Variants in CNGB1 observed in about 807,000 individuals in gnomAD.
CNGB1 encodes cyclic nucleotide-gated channel beta-1.
CNGB1 carries 126 observed loss-of-function variants against 151.7 expected under a neutral mutation model. The ratio of observed to expected loss-of-function variants is 0.83; its 90% CI spans 0.72 to 0.96. The LOEUF is 0.96. Ranked by LOEUF, CNGB1 falls within the 40% of genes least tolerant of loss-of-function variation. The pLI is 0.00. For missense variants in CNGB1, 1,698 were observed against 1,627.0 expected (o/e 1.04, Z -0.75); for synonymous variants, 623 against 635.1 (o/e 0.98, Z 0.29).
In CNGB1 at chr16:57,901,621, C is replaced by T. The variant is rs1389848573; in HGVS notation, c.2799G>A (p.Glu933=). Residue 933 remains glutamate, a synonymous_variant, in exon 28 of 33, where the codon GAG becomes GAA. Coordinates refer to ENST00000251102, the MANE Select transcript of CNGB1 (RefSeq NM_001297.5). ...CTGGAAGCTGCACCATCAGCTCTGACTCATCTGTGAACAAGGCCTGGCAAG... is the reference window on the plus strand; with the variant it reads ...CTGGAAGCTGCACCATCAGCTCTGATTCATCTGTGAACAAGGCCTGGCAAG... ...YTWHSQGMLD[E]SELMVQLPDK... is the part of the protein sequence containing the mutation. 2 of 1,613,802 alleles carry T rather than the reference C, an allele frequency of 1.2e-6. No individual in the cohort carries two copies. Among genetic ancestry groups the T allele is most frequent in the Non-Finnish European group, 1.7e-6 (2 of 1,179,960 alleles).
intron 14 of CNGB1, among the ~76,000 whole-genome samples, chr16:57,941,994 G>A (rs1464383663): frequency 6.6e-6 from 1 of 152,144 alleles, no homozygotes; most frequent in African/African-American, 2.4e-5. Flanking sequence ...TGGGACTACA[G>A]GCATGCTCCA....
chr16:57,885,221 G>A (rs2149350600), intron 32 of CNGB1, among the ~76,000 whole-genome samples: 1 of 152,344 alleles, frequency 6.6e-6, no homozygotes, highest in East Asian at 1.9e-4. Flanking sequence ...GGCCAGGATG[G>A]TCCTCAGCTG....
intron 12 of CNGB1, among the ~76,000 whole-genome samples, chr16:57,952,021 G>C (rs895003181): frequency 6.6e-5 from 10 of 152,210 alleles, no homozygotes; most frequent in African/African-American, 2.2e-4. Context: ...CCTGAATCCG[G>C]TGGTGGGACG....
In CNGB1 at chr16:57,958,488, G is replaced by A; in HGVS notation, c.762-3C>T. ...TGTGCAGGACCCATGCCACCAGCCTGCAGGTGGGAGAGAGTGTGCGGTGTC... is the reference window on the plus strand; with the variant it reads ...TGTGCAGGACCCATGCCACCAGCCTACAGGTGGGAGAGAGTGTGCGGTGTC... On this transcript the variant is annotated splice_region_variant and splice_polypyrimidine_tract_variant and intron_variant, in intron 10 of 32. Coordinates refer to ENST00000251102, the MANE Select transcript of CNGB1 (RefSeq NM_001297.5). 8.1e-6 allele frequency: 13 copies of A among 1,613,772 alleles called. No individual in the cohort carries two copies. The highest frequency in any genetic ancestry group is 1.0e-5 in the Non-Finnish European group (12 of 1,179,750).
At chr16:57,890,800 T>G (rs1404979578) in intron 31 of CNGB1, among the ~76,000 whole-genome samples, 6 of 152,166 alleles carry the variant, frequency 3.9e-5, no homozygotes, top group Non-Finnish European at 7.4e-5. Flanking sequence ...AGACAGTGTA[T>G]CTCCCCTGAT....
intron 27 of CNGB1, 97 bp from the exon 28 acceptor site, chr16:57,901,722 A>G (rs531592432): frequency 7.5e-6 from 7 of 935,248 alleles, no homozygotes; most frequent in South Asian, 2.7e-5. Context: ...ACCAGGGCAC[A>G]CCATTGCCCT....
Position 57,897,915 on chromosome 16 carries a change from C to T in CNGB1, c.2977-1G>A, listed in dbSNP as rs865818297. The stretch of plus-strand genomic sequence containing the variant: ...TGTACATCTCACGGCCGATCTCCCC[C>T]TGAAACAAAGAAGTGACAAGTCCCT... On this transcript the variant is annotated splice_acceptor_variant, in intron 29 of 32. Coordinates refer to ENST00000251102, the MANE Select transcript of CNGB1 (RefSeq NM_001297.5). LOFTEE classifies it high-confidence loss of function. 2.5e-6 allele frequency: 4 copies of T among 1,614,192 alleles called. No individual in the cohort carries two copies. In the East Asian group the frequency reaches 8.9e-5, roughly 36 times the overall value.
chr16:57,943,305 AATC>A (rs1961717824), intron 14 of CNGB1, among the ~76,000 whole-genome samples: 1 of 152,222 alleles, frequency 6.6e-6, no homozygotes, highest in Non-Finnish European at 1.5e-5. Context: ...TAACATCACT[AATC>A]ATCAGAGAAA....
intron 16 of CNGB1, among the ~76,000 whole-genome samples, chr16:57,933,972 C>T (rs1318573494): frequency 1.3e-5 from 2 of 152,074 alleles, no homozygotes; most frequent in African/African-American, 4.8e-5. Flanking sequence ...ATCTGCCGGC[C>T]TTGGCCTCCC....
chr16:57,948,036 G>A (rs1961851427), intron 14 of CNGB1, among the ~76,000 whole-genome samples: 1 of 152,232 alleles, frequency 6.6e-6, no homozygotes, highest in Non-Finnish European at 1.5e-5. Context: ...AGAGGGACAG[G>A]TCAGGGAGAA....
chr16:57,960,795 C>A, intron 8 of CNGB1, 45 bp downstream of exon 8: 1 of 1,583,958 alleles, frequency 6.3e-7, no homozygotes, highest in Non-Finnish European at 8.6e-7. Flanking sequence ...GCCCCAGAAG[C>A]CCCCCCATAT....
At chr16:57,939,776 A>G (rs1019794136) in intron 15 of CNGB1, among the ~76,000 whole-genome samples, 184 bp from the exon 16 acceptor site, 4 of 152,192 alleles carry the variant, frequency 2.6e-5, no homozygotes, top group Admixed American at 2.6e-4. Context: ...CAACCTGTAG[A>G]GGGCAGTGCA....
intron 17 of CNGB1, among the ~76,000 whole-genome samples, chr16:57,924,068 A>G (rs1961120681): frequency 6.6e-6 from 1 of 152,088 alleles, no homozygotes; most frequent in South Asian, 2.1e-4. Context: ...ATCCACCTGA[A>G]TTTCAGAGAC....
intron 31 of CNGB1, among the ~76,000 whole-genome samples, chr16:57,894,198 A>C (rs1960164854): frequency 6.6e-6 from 1 of 152,220 alleles, no homozygotes; most frequent in Non-Finnish European, 1.5e-5. Flanking sequence ...GAGGAAGCTG[A>C]CTCTGCACTG....
Position 57,964,543 on chromosome 16 carries a change from G to A in CNGB1, c.161C>T (p.Pro54Leu), listed in dbSNP as rs1350927024. 6.2e-7 allele frequency: 1 copy of A among 1,614,116 alleles called. No homozygotes were observed. The highest frequency in any genetic ancestry group is 8.5e-7 in the Non-Finnish European group (1 of 1,180,008). The change falls in exon 3 of 33, where the codon CCC (proline) becomes CTC (leucine). Residue 54 changes from proline (P) to leucine (L), a missense_variant and splice_region_variant. Coordinates refer to ENST00000251102, the MANE Select transcript of CNGB1 (RefSeq NM_001297.5). ...CTCCTCCTTGAATGACTCTTCGGGG[G>A]GCTAGAGGGTTCGAACAGGATCATG... ...EEAETESESM[P>L]PEESFKEEEV...
chr16:57,896,428 G>A (rs1192638583), intron 31 of CNGB1, among the ~76,000 whole-genome samples: 1 of 152,094 alleles, frequency 6.6e-6, no homozygotes, highest in Non-Finnish European at 1.5e-5. Context: ...TAACTGGCCT[G>A]TATGGGCTGG....
intron 32 of CNGB1, 112 bp downstream of exon 32, chr16:57,887,743 A>G: frequency 2.0e-6 from 2 of 1,020,068 alleles, no homozygotes; most frequent in Admixed American, 1.7e-5. Context: ...TGATAGAAAA[A>G]GGAGGGGGAA....
intron 14 of CNGB1, among the ~76,000 whole-genome samples, chr16:57,941,661 C>T (rs6499926): frequency 0.035 from 5,326 of 152,200 alleles, 314 homozygotes; most frequent in African/African-American, 0.12. Flanking sequence ...ATTCCATGAT[C>T]AAATCTTTCA....
chr16:57,965,273 G>A lies in CNGB1; in HGVS notation c.160-729C>T, dbSNP rs920496723. On this transcript the variant is annotated intron_variant, in intron 2 of 32. Transcript: ENST00000251102. ...CAAAAATAAGTGCATGTGCACACAC[G>A]TACAGGCAAAAACATATGTACATAT... 9.9e-5 allele frequency among the ~76,000 whole-genome samples: 15 copies of A among 151,838 alleles called. No homozygotes were observed. In the East Asian group the frequency reaches 1.4e-3, roughly 14 times the overall value.
Sources: allele counts gnomAD v4.1 joint callset (sites outside exome capture counted in the v4.1 genomes callset), GRCh38; gene constraint gnomAD v4.1.1; transcripts MANE v1.5; gene names NCBI Gene and HGNC (gene_info 2026-07-23, HGNC 2026-07-21).